The following ITGA2 variants were observed in gnomAD, a reference collection of about 807,000 sequenced individuals.
The protein encoded by ITGA2 is integrin subunit alpha 2.
ITGA2 carries 101 observed loss-of-function variants against 146.3 expected under a neutral mutation model. That is an observed-to-expected ratio of 0.69 (90% confidence interval 0.59 to 0.81). The LOEUF (loss-of-function observed/expected upper bound fraction) is 0.81, where lower values mean the gene tolerates loss of function less well. Ranked by LOEUF, ITGA2 falls within the 40% of genes least tolerant of loss-of-function variation. The pLI is 0.00. For missense variants in ITGA2, 1,281 were observed against 1,402.7 expected (o/e 0.91, Z 1.39); for synonymous variants, 477 against 487.1 (o/e 0.98, Z 0.27).
chr5:53,014,495 G>T (rs2111758333), intron 1 of ITGA2, among the ~76,000 whole-genome samples: 1 of 152,162 alleles, frequency 6.6e-6, no homozygotes, highest in East Asian at 1.9e-4. Flanking sequence ...GCTGGATTTG[G>T]CTTACTGGTA....
intron 2 of ITGA2, among the ~76,000 whole-genome samples, chr5:53,030,451 A>G (rs1743171594): frequency 6.6e-6 from 1 of 152,214 alleles, no homozygotes; most frequent in Non-Finnish European, 1.5e-5. Flanking sequence ...GATTAGGCTC[A>G]AGGCCTAACC....
intron 1 of ITGA2, among the ~76,000 whole-genome samples, chr5:53,005,983 G>A (rs142811893): frequency 1.3e-5 from 2 of 152,078 alleles, no homozygotes; most frequent in Non-Finnish European, 2.9e-5. Context: ...AACACAGCAT[G>A]TTCTCACTCG....
At chr5:53,075,465 C>T (rs1745620402) in intron 23 of ITGA2, among the ~76,000 whole-genome samples, 161 bp downstream of exon 23, 1 of 151,794 alleles carries the variant, frequency 6.6e-6, no homozygotes. Context: ...CATATTGGTC[C>T]CTAGGAAAAC....
chr5:53,032,943 T>A (rs1029220758), intron 2 of ITGA2, among the ~76,000 whole-genome samples: 2 of 152,048 alleles, frequency 1.3e-5, no homozygotes, highest in Non-Finnish European at 2.9e-5. Context: ...CAAACTGGAA[T>A]GTTATGAGCA....
chr5:53,014,721 C>T (rs1742317094), intron 1 of ITGA2, among the ~76,000 whole-genome samples: 1 of 152,126 alleles, frequency 6.6e-6, no homozygotes, highest in South Asian at 2.1e-4. Context: ...ATGAATTCGT[C>T]TGGTCCTGGG....
intron 10 of ITGA2, among the ~76,000 whole-genome samples, chr5:53,058,629 G>C (rs1211800116): frequency 6.6e-6 from 1 of 151,604 alleles, no homozygotes; most frequent in Non-Finnish European, 1.5e-5. Flanking sequence ...CCACCTCCTG[G>C]GCCCCTGATT....
chr5:53,024,939 C>A (rs1579814609), intron 1 of ITGA2, among the ~76,000 whole-genome samples: 2 of 152,140 alleles, frequency 1.3e-5, no homozygotes, highest in Admixed American at 1.3e-4. Flanking sequence ...TATATAGTAA[C>A]ACATATATGC....
At chr5:53,067,675 G>T (rs533132762) in intron 16 of ITGA2, among the ~76,000 whole-genome samples, 4 of 151,858 alleles carry the variant, frequency 2.6e-5, no homozygotes, top group Admixed American at 2.6e-4. Context: ...CTGTCGTTGA[G>T]GAATTAATAA....
At chr5:53,046,299 T>C (rs1448346167) in intron 4 of ITGA2, among the ~76,000 whole-genome samples, 6 of 152,098 alleles carry the variant, frequency 3.9e-5, no homozygotes, top group Non-Finnish European at 4.4e-5. Flanking sequence ...AATCCTATGT[T>C]TTATAACTGT....
At chr5:53,003,363 C>T (rs961048675) in intron 1 of ITGA2, among the ~76,000 whole-genome samples, 2 of 152,110 alleles carry the variant, frequency 1.3e-5, no homozygotes, top group African/African-American at 4.8e-5. Flanking sequence ...CCAGTCACCC[C>T]AAAATTTAGT....
At chr5:53,047,941 A>G (rs932964096) in intron 4 of ITGA2, among the ~76,000 whole-genome samples, 1 of 152,210 alleles carries the variant, frequency 6.6e-6, no homozygotes, top group Non-Finnish European at 1.5e-5. Flanking sequence ...AATCTTTACA[A>G]CAATCTTAAA....
At position 53,070,130 on chromosome 5, in the gene ITGA2, T is replaced by C; in HGVS notation, c.2105T>C (p.Leu702Pro). Residue 702 changes from leucine to proline, a missense_variant, in exon 17 of 30, where the codon CTT (leucine) becomes CCT (proline). Transcript: ENST00000296585. The stretch of plus-strand genomic sequence containing the variant: ...ATAGCCATTGTATATAACATCACAC[T>C]TGATGCAGATGGATTTTCATCCAGA... Reference protein sequence around the residue: ...NQVAIVYNITLDADGFSSRVT... With the variant: ...NQVAIVYNITPDADGFSSRVT... 6.2e-7 allele frequency: 1 copy of C among 1,611,086 alleles called. No homozygotes were observed. Among genetic ancestry groups the C allele is most frequent in the Non-Finnish European group, 8.5e-7 (1 of 1,177,906 alleles).
intron 22 of ITGA2, 31 bp from the exon 23 acceptor site, chr5:53,075,186 CTCTT>C (rs749766493): frequency 1.2e-6 from 2 of 1,606,744 alleles, no homozygotes; most frequent in Non-Finnish European, 1.7e-6. Context: ...CTTTGTATTT[CTCTT>C]TAAGTAATTT....
intron 27 of ITGA2, among the ~76,000 whole-genome samples, chr5:53,085,624 T>C (rs929039492): frequency 1.3e-5 from 2 of 152,176 alleles, no homozygotes; most frequent in African/African-American, 4.8e-5. Flanking sequence ...ATCATCTATA[T>C]TGAGAAAATT....
intron 24 of ITGA2, among the ~76,000 whole-genome samples, chr5:53,080,160 A>G (rs1484040568): frequency 1.3e-5 from 2 of 152,084 alleles, no homozygotes; most frequent in African/African-American, 4.8e-5. Flanking sequence ...CAAAGTCACA[A>G]ATTACTTACC....
intron 4 of ITGA2, among the ~76,000 whole-genome samples, chr5:53,047,239 C>A (rs930337386): frequency 5.3e-5 from 8 of 152,124 alleles, no homozygotes; most frequent in African/African-American, 1.9e-4. Flanking sequence ...ATAACTGATT[C>A]ACAACTTTAC....
At chr5:52,996,365 T>C (rs1014639406) in intron 1 of ITGA2, among the ~76,000 whole-genome samples, 3 of 152,090 alleles carry the variant, frequency 2.0e-5, no homozygotes, top group African/African-American at 7.2e-5. Context: ...CAAAGGATAT[T>C]ATCAGAGAGA....
chr5:53,061,878 C>A (rs900415488), intron 12 of ITGA2, among the ~76,000 whole-genome samples: 9 of 151,824 alleles, frequency 5.9e-5, no homozygotes, highest in Admixed American at 5.9e-4. Context: ...GTAAGAAGAC[C>A]CGAGTTCTTG....
At chr5:53,012,455 CT>C (rs1314823723) in intron 1 of ITGA2, among the ~76,000 whole-genome samples, 2 of 152,024 alleles carry the variant, frequency 1.3e-5, no homozygotes, top group East Asian at 3.9e-4. Context: ...GCATTTATTG[CT>C]TTCTATTATT....
Sources: gnomAD v4.1 joint callset for allele counts (sites outside exome capture counted in the v4.1 genomes callset) on GRCh38, gnomAD v4.1.1 for gene constraint, MANE v1.5 for transcripts, NCBI Gene and HGNC (gene_info 2026-07-23, HGNC 2026-07-21) for gene names.